CNTN6: variants seen among roughly 807,000 people sequenced by gnomAD.
CNTN6 encodes contactin-6.
A neutral mutation model predicts 122.8 loss-of-function variants in CNTN6; 137 were observed. That is an observed-to-expected ratio of 1.12 (90% confidence interval 0.97 to 1.29). The LOEUF is 1.29. Ranked by LOEUF, CNTN6 falls within the 50% of genes most tolerant of loss-of-function variation. CNTN6 has a pLI of 0.00. For synonymous variants in CNTN6, 570 were observed against 426.0 expected, an observed-to-expected ratio of 1.34 and a Z score of -4.16; for missense variants, 1,634 against 1,223.4, an observed-to-expected ratio of 1.34 and a Z score of -5.01.
In CNTN6 at chr3:1,125,420, C is replaced by G. The variant is rs1183410391; in HGVS notation, c.-82-22507C>G. ...CATTTTAGCCTTTTACATCAATGGGCTTGGAACATGACTTCCAAGGAATTG... is the reference window on the plus strand; with the variant it reads ...CATTTTAGCCTTTTACATCAATGGGGTTGGAACATGACTTCCAAGGAATTG... On this transcript the variant is annotated intron_variant, in intron 1 of 22. Coordinates refer to ENST00000446702, the MANE Select transcript of CNTN6 (RefSeq NM_001289080.2). 3.3e-5 allele frequency among the ~76,000 whole-genome samples: 5 copies of G among 151,754 alleles called. No individual in the cohort carries two copies. In the East Asian group the frequency reaches 9.7e-4, roughly 29 times the overall value.
Position 1,386,907 on chromosome 3 carries a change from T to TATATGCGTATATTTG in CNTN6, c.2704+1111_2704+1125dup, listed in dbSNP as rs535954903. Among the ~76,000 whole-genome samples, 369 of 152,244 alleles carry TATATGCGTATATTTG rather than the reference T, an allele frequency of 2.4e-3. 8 individuals carry two copies. The highest frequency in any genetic ancestry group is 0.02 in the Admixed American group (306 of 15,294). On this transcript the variant is annotated intron_variant, in intron 20 of 22. Coordinates refer to ENST00000446702, the MANE Select transcript of CNTN6 (RefSeq NM_001289080.2). Reference sequence around the variant, plus strand: ...ATTAAAGTTATTCCCCTTATGCGTATATATGCGTATATTTGTCATGTCCAA... The same window carrying TATATGCGTATATTTG: ...ATTAAAGTTATTCCCCTTATGCGTATATATGCGTATATTTGATATGCGTATATTTGTCATGTCCAA...
chr3:1,395,806 T>C (rs1341630051), intron 20 of CNTN6, among the ~76,000 whole-genome samples: 3 of 152,206 alleles, frequency 2.0e-5, no homozygotes, highest in Non-Finnish European at 4.4e-5. Context: ...CTGTATTAAC[T>C]TTATCATACT....
chr3:1,208,917 G>T (rs998984781), intron 2 of CNTN6, among the ~76,000 whole-genome samples: 6 of 152,094 alleles, frequency 3.9e-5, no homozygotes, highest in African/African-American at 1.4e-4. Context: ...CATAAAGAAG[G>T]TTCAACACAG....
chr3:1,309,609 T>G (rs1221562400), intron 7 of CNTN6, among the ~76,000 whole-genome samples: 1 of 152,178 alleles, frequency 6.6e-6, no homozygotes, highest in East Asian at 1.9e-4. Context: ...TATTTTGTTT[T>G]GTTTTGCTTT....
intron 1 of CNTN6, among the ~76,000 whole-genome samples, chr3:1,099,125 T>C (rs1363625561): frequency 2.0e-5 from 3 of 152,176 alleles, no homozygotes; most frequent in East Asian, 3.9e-4. Context: ...TGTAACTCAT[T>C]CCATATTAGA....
intron 4 of CNTN6, among the ~76,000 whole-genome samples, chr3:1,244,878 G>T (rs574411305): frequency 7.4e-6 from 1 of 134,634 alleles, no homozygotes; most frequent in Non-Finnish European, 1.6e-5. Flanking sequence ...TCTTAAGGGT[G>T]GGGGAGACTA....
At chr3:1,143,611 T>C (rs1417278358) in intron 1 of CNTN6, among the ~76,000 whole-genome samples, 1 of 152,210 alleles carries the variant, frequency 6.6e-6, no homozygotes, top group Non-Finnish European at 1.5e-5. Context: ...ACTACACTTT[T>C]CTTAACTACA....
At chr3:1,351,085 A>G (rs573051365) in intron 11 of CNTN6, among the ~76,000 whole-genome samples, 132 of 152,004 alleles carry the variant, frequency 8.7e-4, no homozygotes, top group African/African-American at 2.9e-3. Context: ...GGAACATTCT[A>G]AATTCAGATG....
chr3:1,312,078 G>A lies in CNTN6; in HGVS notation c.762-9572G>A, dbSNP rs116361664. On this transcript the variant is annotated intron_variant, in intron 7 of 22. Coordinates refer to ENST00000446702, the MANE Select transcript of CNTN6 (RefSeq NM_001289080.2). Reference sequence around the variant, plus strand: ...AATGGAACACTATGTAAAATACTACGATTTCTAAATATCTTGCCAGTTTCT... The same window carrying A: ...AATGGAACACTATGTAAAATACTACAATTTCTAAATATCTTGCCAGTTTCT... Among the ~76,000 whole-genome samples the A allele has an allele frequency of 7.6e-3, 1,159 of 151,956 alleles. 9 individuals are homozygous for A. The highest frequency in any genetic ancestry group is 0.041 in the Middle Eastern group (12 of 294).
chr3:1,257,501 A>G (rs3902530), intron 4 of CNTN6, among the ~76,000 whole-genome samples: 40,329 of 151,936 alleles, frequency 0.27, 6,670 homozygotes, highest in African/African-American at 0.47. Flanking sequence ...TTCACCTTGA[A>G]TTTTTTGTAA....
intron 11 of CNTN6, among the ~76,000 whole-genome samples, chr3:1,332,514 G>GGAAGGAAGGAAA (rs1702443526): frequency 1.7e-5 from 2 of 116,140 alleles, no homozygotes; most frequent in Non-Finnish European, 3.5e-5. Flanking sequence ...AAGGAAGGAA[G>GGAAGGAAGGAAA]GAAGGAAGGA....
chr3:1,110,671 C>CT (rs1473398576), intron 1 of CNTN6, among the ~76,000 whole-genome samples: 1 of 151,918 alleles, frequency 6.6e-6, no homozygotes, highest in Admixed American at 6.6e-5. Context: ...ATCTTCTACT[C>CT]TAAGTCAGTA....
chr3:1,222,224 C>T (rs544390284), intron 3 of CNTN6, among the ~76,000 whole-genome samples: 21 of 152,268 alleles, frequency 1.4e-4, no homozygotes, highest in African/African-American at 4.6e-4. Flanking sequence ...AAATTTGGGA[C>T]ACTCAATTCA....
chr3:1,280,719 C>T (rs1025327691), intron 5 of CNTN6, among the ~76,000 whole-genome samples: 5 of 151,976 alleles, frequency 3.3e-5, no homozygotes, highest in Non-Finnish European at 7.4e-5. Flanking sequence ...CCCACCTCGG[C>T]CTCCCAAAGT....
chr3:1,208,948 G>C (rs2093995428), intron 2 of CNTN6, among the ~76,000 whole-genome samples: 1 of 152,058 alleles, frequency 6.6e-6, no homozygotes, highest in Non-Finnish European at 1.5e-5. Flanking sequence ...AATAAAAGTT[G>C]GTCGAGTTTA....
At chr3:1,331,838 G>A (rs568608799) in intron 11 of CNTN6, among the ~76,000 whole-genome samples, 224 of 141,672 alleles carry the variant, frequency 1.6e-3, no homozygotes, top group Admixed American at 4.3e-3. Flanking sequence ...ATGAGAGAGA[G>A]AAAAAAAAAA....
At position 1,374,047 on chromosome 3, in the gene CNTN6, C is replaced by G; in HGVS notation, c.2069C>G (p.Ser690Ter). 6.2e-7 allele frequency: 1 copy of G among 1,612,708 alleles called. No homozygotes were observed. Among genetic ancestry groups the G allele is most frequent in the Non-Finnish European group, 8.5e-7 (1 of 1,179,062 alleles). Reference protein sequence around the residue: ...SIGIGEPSEPSELLRTKASVP... With the variant: ...SIGIGEPSEP ...GGGATTGGAGAACCAAGTGAACCAT[C>G]AGAATTGTTAAGAACTAAAGCATCA... Residue 690 changes from serine to a stop codon, truncating the protein, a stop_gained, in exon 16 of 23, where the codon TCA (serine) becomes TGA (stop). Transcript: ENST00000446702. LOFTEE classifies it high-confidence loss of function.
chr3:1,342,816 T>C (rs1405278962), intron 11 of CNTN6, among the ~76,000 whole-genome samples: 2 of 152,186 alleles, frequency 1.3e-5, no homozygotes, highest in Non-Finnish European at 2.9e-5. Context: ...GATTAAGATT[T>C]GTTTTATACA....
At chr3:1,269,281 C>G (rs1377571605) in intron 4 of CNTN6, among the ~76,000 whole-genome samples, 1 of 152,168 alleles carries the variant, frequency 6.6e-6, no homozygotes, top group Non-Finnish European at 1.5e-5. Context: ...TAGTCTGACC[C>G]TAAACTTGCA....
Sources: gnomAD v4.1 joint callset for allele counts (sites outside exome capture counted in the v4.1 genomes callset) on GRCh38, gnomAD v4.1.1 for gene constraint, MANE v1.5 for transcripts, NCBI Gene and HGNC (gene_info 2026-07-23, HGNC 2026-07-21) for gene names.